The following FRMPD4 variants were observed in gnomAD, a reference collection of about 807,000 sequenced individuals.
FRMPD4 encodes the protein FERM and PDZ domain containing 4.
A neutral mutation model predicts 94.1 loss-of-function variants in FRMPD4; 22 were observed. That is an observed-to-expected ratio of 0.23 (90% CI 0.17 to 0.33). The LOEUF (loss-of-function observed/expected upper bound fraction) is 0.33, where lower values mean the gene tolerates loss of function less well. FRMPD4 is among the 10% of genes least tolerant of loss of function. The pLI is 1.00. For synonymous variants in FRMPD4, 631 were observed against 548.6 expected (o/e 1.15, Z -2.10); for missense variants, 1,111 against 1,339.9 (o/e 0.83, Z 2.67).
intron 3 of FRMPD4, among the ~76,000 whole-genome samples, chrX:12,123,092 G>A (rs1396577822): frequency 9.6e-6 from 1 of 104,534 alleles, no homozygotes; most frequent in African/African-American, 3.5e-5. Flanking sequence ...GAGTATAATT[G>A]AGTCATAGAG....
chrX:12,332,205 T>TAGAG lies in FRMPD4; in HGVS notation c.42-166474_42-166473insGAGA, dbSNP rs1417542016. 5.8e-4 allele frequency among the ~76,000 whole-genome samples: 38 copies of TAGAG among 65,973 alleles called. 2 individuals are homozygous for TAGAG. Among genetic ancestry groups the TAGAG allele is most frequent in the African/African-American group, 1.9e-3 (23 of 11,811 alleles). The allele number at this position is 65,973 out of a possible 115,157, so 57.3% of individuals were successfully genotyped here. On this transcript the variant is annotated intron_variant, in intron 1 of 16. Coordinates refer to ENST00000675598, the MANE Select transcript of FRMPD4 (RefSeq NM_001368397.1). ...AATTTATATTTTATATATATATATA[T>TAGAG]ATAGAGAGAGAGAGAGAGAGAGAGA...
rs768000911 is a variant in FRMPD4, at chrX:12,647,464, G to A, written c.423-27399G>A. Among the ~76,000 whole-genome samples the A allele has an allele frequency of 2.0e-4, 22 of 111,481 alleles. 1 individual carries two copies. Among genetic ancestry groups the A allele is most frequent in the African/African-American group, 7.2e-4 (22 of 30,637 alleles). ...CTCTAATTCTTGTCAGGTATTGAAT[G>A]AGGACTCCTCTGTGGGGTCATTCCC... On this transcript the variant is annotated intron_variant, in intron 4 of 16. Coordinates refer to ENST00000675598, the MANE Select transcript of FRMPD4 (RefSeq NM_001368397.1).
At chrX:11,921,243 C>T (rs979428907) in intron 3 of FRMPD4, among the ~76,000 whole-genome samples, 19 of 111,733 alleles carry the variant, frequency 1.7e-4, no homozygotes, top group African/African-American at 4.9e-4. Context: ...CCAGCAGGTA[C>T]GATTTCTTCC....
chrX:11,834,782 T>C (rs971541474), intron 1 of FRMPD4, among the ~76,000 whole-genome samples: 2 of 112,009 alleles, frequency 1.8e-5, no homozygotes, highest in African/African-American at 6.5e-5. Flanking sequence ...TATTACACAT[T>C]TAACACAAGA....
chrX:12,091,788 A>G (rs1198237109), intron 3 of FRMPD4, among the ~76,000 whole-genome samples: 1 of 111,738 alleles, frequency 8.9e-6, no homozygotes, highest in Non-Finnish European at 1.9e-5. Context: ...CCCACAGTAA[A>G]GGATTATATG....
At chrX:12,018,267 TTC>T (rs1333449759) in intron 3 of FRMPD4, among the ~76,000 whole-genome samples, 1 of 111,456 alleles carries the variant, frequency 9.0e-6, no homozygotes, top group African/African-American at 3.3e-5. Flanking sequence ...TTCTCTCAGC[TTC>T]TGTGTTTACC....
At chrX:12,113,444 C>T (rs2055383190) in intron 3 of FRMPD4, among the ~76,000 whole-genome samples, 1 of 111,680 alleles carries the variant, frequency 9.0e-6, no homozygotes, top group Non-Finnish European at 1.9e-5. Context: ...CATTTACTTG[C>T]CTTTTTCAGC....
chrX:12,513,273 C>T (rs2058063080), intron 2 of FRMPD4, among the ~76,000 whole-genome samples: 1 of 111,668 alleles, frequency 9.0e-6, no homozygotes, highest in African/African-American at 3.3e-5. Context: ...TTGATGTTTC[C>T]ATCATGAAAT....
chrX:11,828,780 C>T (rs1368443370), intron 1 of FRMPD4, among the ~76,000 whole-genome samples: 1 of 112,275 alleles, frequency 8.9e-6, no homozygotes, highest in African/African-American at 3.2e-5. Flanking sequence ...AGAAAAGAAT[C>T]TCATTATTTA....
rs138010468 is a variant in FRMPD4 at position 12,092,475 on chromosome X, A to C, written c.95+214457A>C. ...CTTTCCATTGCGTTACCTCCTGCCT[A>C]GTCTGCCTTGAGATGGAGCTCCCAT... On this transcript the variant is annotated intron_variant, in intron 3 of 18. Coordinates refer to the FRMPD4 transcript ENST00000640291. Among the ~76,000 whole-genome samples the C allele has an allele frequency of 9.9e-5, 11 of 111,592 alleles. No individual in the cohort carries two copies. In the East Asian group the frequency reaches 2.8e-3, roughly 28 times the overall value.
intron 1 of FRMPD4, among the ~76,000 whole-genome samples, chrX:12,164,475 C>G (rs1194399748): frequency 8.9e-6 from 1 of 112,218 alleles, no homozygotes; most frequent in Non-Finnish European, 1.9e-5. Flanking sequence ...GGTTCCAAGT[C>G]TTTGCTATTG....
chrX:11,949,861 T>C, intron 3 of FRMPD4, among the ~76,000 whole-genome samples: 1 of 112,024 alleles, frequency 8.9e-6, no homozygotes, highest in Non-Finnish European at 1.9e-5. Context: ...TCAGTTGTTT[T>C]TGGTTTTTTT....
chrX:12,229,909 A>G (rs182594091), intron 1 of FRMPD4, among the ~76,000 whole-genome samples: 96 of 112,125 alleles, frequency 8.6e-4, no homozygotes, highest in East Asian at 6.7e-3. Context: ...CCAAGAAACC[A>G]TTTTGCAGTA....
chrX:12,350,984 G>C (rs1392593126), intron 1 of FRMPD4, among the ~76,000 whole-genome samples: 1 of 111,501 alleles, frequency 9.0e-6, no homozygotes, highest in African/African-American at 3.3e-5. Context: ...GACCATCCTG[G>C]CCAACATGGT....
At chrX:11,864,848 T>A (rs989173020) in intron 1 of FRMPD4, among the ~76,000 whole-genome samples, 4 of 111,729 alleles carry the variant, frequency 3.6e-5, no homozygotes, top group Middle Eastern at 9.2e-3. Context: ...CTAGTAAATG[T>A]TCTTGTGCAG....
At chrX:12,361,779 C>T (rs996410288) in intron 1 of FRMPD4, among the ~76,000 whole-genome samples, 1 of 111,503 alleles carries the variant, frequency 9.0e-6, no homozygotes, top group African/African-American at 3.3e-5. Flanking sequence ...TCAGAGGTCC[C>T]AAACCAAGGT....
chrX:12,265,193 T>C (rs1260943067), intron 1 of FRMPD4, among the ~76,000 whole-genome samples: 1 of 112,326 alleles, frequency 8.9e-6, no homozygotes, highest in African/African-American at 3.2e-5. Context: ...GTAATTGATC[T>C]GCAGTTTGAC....
At chrX:12,236,572 A>G (rs1320403379) in intron 1 of FRMPD4, among the ~76,000 whole-genome samples, 1 of 112,128 alleles carries the variant, frequency 8.9e-6, no homozygotes, top group Non-Finnish European at 1.9e-5. Flanking sequence ...AAAGGAATTT[A>G]TATAATTTTA....
intron 2 of FRMPD4, among the ~76,000 whole-genome samples, chrX:12,517,542 G>A (rs2148263224): frequency 8.9e-6 from 1 of 112,435 alleles, no homozygotes; most frequent in South Asian, 3.7e-4. Flanking sequence ...ATCACCAGTA[G>A]AAGCTGCAGA....
Sources: gnomAD v4.1 joint callset for allele counts (sites outside exome capture counted in the v4.1 genomes callset) on GRCh38, gnomAD v4.1.1 for gene constraint, MANE v1.5 for transcripts, NCBI Gene and HGNC (gene_info 2026-07-23, HGNC 2026-07-21) for gene names.